The following TENM2 variants were observed in gnomAD, a reference collection of about 807,000 sequenced individuals.
TENM2 encodes teneurin transmembrane protein 2.
Under a neutral mutation model 245.2 loss-of-function variants are expected in TENM2, and 52 were observed. That is an observed-to-expected ratio of 0.21 (90% CI 0.17 to 0.27). The LOEUF is 0.27. TENM2 is among the 10% of genes least tolerant of loss of function. The pLI, the probability that TENM2 is intolerant of heterozygous loss-of-function variation, is 1.00. For missense variants in TENM2, 3,046 were observed against 3,666.8 expected (o/e 0.83, Z 4.37); for synonymous variants, 1,363 against 1,438.9 (o/e 0.95, Z 1.19).
At chr5:167,249,724 C>T in the TENM2 span, among the ~76,000 whole-genome samples, 4 of 152,058 alleles carry the variant, frequency 2.6e-5, no homozygotes, top group Admixed American at 6.6e-5. Flanking sequence ...ATGGAGCAAG[C>T]CGTCCTATCA....
At chr5:168,012,659 A>C (rs1000263902) in intron 5 of TENM2, among the ~76,000 whole-genome samples, 6 of 148,860 alleles carry the variant, frequency 4.0e-5, no homozygotes, top group African/African-American at 1.3e-4. Context: ...AAAAAAAAAA[A>C]ACAAAAAAAA....
chr5:167,537,886 A>G (rs1307808142), intron 2 of TENM2, among the ~76,000 whole-genome samples: 1 of 152,220 alleles, frequency 6.6e-6, no homozygotes, highest in Admixed American at 6.5e-5. Flanking sequence ...TTTCTTCAAT[A>G]CACTTCTTGT....
chr5:167,206,495 T>G, the TENM2 span, among the ~76,000 whole-genome samples: 3 of 152,178 alleles, frequency 2.0e-5, no homozygotes, highest in Non-Finnish European at 4.4e-5. Context: ...GAAAGATACC[T>G]CAGGCAGGAC....
intron 7 of TENM2, among the ~76,000 whole-genome samples, chr5:168,074,126 T>G (rs1285070720): frequency 1.3e-5 from 2 of 152,192 alleles, no homozygotes; most frequent in African/African-American, 4.8e-5. Flanking sequence ...TGCCAAATAT[T>G]CATAGTGATC....
Position 167,427,762 on chromosome 5 carries a change from G to A in TENM2, c.502+52289G>A, listed in dbSNP as rs1357416466. On this transcript the variant is annotated intron_variant, in intron 2 of 28. Transcript: ENST00000518659. ...CGGAAAGGAAGGGAAGGAAGGGAAG[G>A]AAGGAAGGACGGGAAGGAAGGGAAG... Among the ~76,000 whole-genome samples the A allele has an allele frequency of 2.8e-3, 302 of 109,372 alleles. 3 individuals are homozygous for A. Among genetic ancestry groups the A allele is most frequent in the African/African-American group, 9.4e-3 (280 of 29,748 alleles). The allele number at this position is 109,372 out of a possible 152,430, so 71.8% of individuals were successfully genotyped here. A position where few individuals can be genotyped will look rare whatever the true frequency, so the allele number is the denominator to read the frequency against.
chr5:167,743,770 C>T (rs114235559), intron 2 of TENM2, among the ~76,000 whole-genome samples: 2 of 152,068 alleles, frequency 1.3e-5, no homozygotes, highest in Non-Finnish European at 2.9e-5. Flanking sequence ...AATAGAGAAA[C>T]CTTTGCTATT....
exon 17 of TENM2, chr5:168,200,025 T>C: frequency 6.2e-7 from 1 of 1,613,954 alleles, no homozygotes; most frequent in Non-Finnish European, 8.5e-7. Context: ...TCGAGGGGCA[T>C]CTCTTCCAGA....
the TENM2 span, among the ~76,000 whole-genome samples, chr5:167,237,642 G>A: frequency 8.5e-5 from 13 of 152,270 alleles, no homozygotes; most frequent in African/African-American, 1.4e-4. Context: ...TCAAGAAAGC[G>A]TAAGTGTCAG....
chr5:167,439,896 G>C (rs1004262834), intron 2 of TENM2, among the ~76,000 whole-genome samples: 1 of 152,028 alleles, frequency 6.6e-6, no homozygotes, highest in African/African-American at 2.4e-5. Context: ...CATTTTAAAA[G>C]ATATAATATT....
intron 2 of TENM2, among the ~76,000 whole-genome samples, chr5:167,535,585 G>T (rs1396352537): frequency 6.6e-6 from 1 of 152,134 alleles, no homozygotes; most frequent in South Asian, 2.1e-4. Context: ...CATCATAAAT[G>T]GCTTAGTGCT....
At chr5:167,998,950 T>C (rs904870568) in intron 5 of TENM2, among the ~76,000 whole-genome samples, 2 of 152,158 alleles carry the variant, frequency 1.3e-5, no homozygotes, top group African/African-American at 4.8e-5. Context: ...CACTTGAAAA[T>C]TGATATGTTG....
intron 2 of TENM2, among the ~76,000 whole-genome samples, chr5:167,451,513 C>T (rs1186243959): frequency 1.3e-5 from 2 of 152,162 alleles, no homozygotes; most frequent in African/African-American, 4.8e-5. Flanking sequence ...ATAAGAGAAA[C>T]AGAAAAGAAT....
chr5:167,809,003 G>T (rs1766435651), intron 2 of TENM2, among the ~76,000 whole-genome samples: 1 of 152,074 alleles, frequency 6.6e-6, no homozygotes, highest in Non-Finnish European at 1.5e-5. Flanking sequence ...GTTACAAAAG[G>T]GATTCTTATT....
intron 2 of TENM2, among the ~76,000 whole-genome samples, chr5:167,835,775 A>T (rs1307215824): frequency 6.6e-6 from 1 of 152,202 alleles, no homozygotes; most frequent in Non-Finnish European, 1.5e-5. Context: ...AAGCAGCAAG[A>T]CAATGTTTTT....
chr5:167,321,167 A>T (rs887203761), intron 1 of TENM2, among the ~76,000 whole-genome samples: 1 of 152,170 alleles, frequency 6.6e-6, no homozygotes, highest in South Asian at 2.1e-4. Flanking sequence ...TCTGGAAATT[A>T]TATTACAGTT....
chr5:167,289,658 A>G (rs1157676554), intron 1 of TENM2, among the ~76,000 whole-genome samples: 1 of 152,232 alleles, frequency 6.6e-6, no homozygotes, highest in Non-Finnish European at 1.5e-5. Context: ...GATCTTTAAA[A>G]TAATGTGGGC....
chr5:168,236,297 T>C (rs1765421388), intron 25 of TENM2, among the ~76,000 whole-genome samples: 1 of 152,116 alleles, frequency 6.6e-6, no homozygotes, highest in South Asian at 2.1e-4. Context: ...GGGCTGAGCC[T>C]CCATACCAGA....
intron 2 of TENM2, among the ~76,000 whole-genome samples, chr5:167,481,636 C>T (rs899278839): frequency 6.6e-6 from 1 of 152,078 alleles, no homozygotes; most frequent in African/African-American, 2.4e-5. Context: ...TGTGAACAGC[C>T]ATTTTCAAAG....
chr5:167,034,838 A>G, the TENM2 span, among the ~76,000 whole-genome samples: 1 of 152,008 alleles, frequency 6.6e-6, no homozygotes, highest in African/African-American at 2.4e-5. Context: ...TCTCAGCTAC[A>G]GTGAGGATTA....
Sources: gnomAD v4.1 joint callset for allele counts (sites outside exome capture counted in the v4.1 genomes callset) on GRCh38, gnomAD v4.1.1 for gene constraint, MANE v1.5 for transcripts, NCBI Gene and HGNC (gene_info 2026-07-23, HGNC 2026-07-21) for gene names.